The following GABRG3 variants were observed in gnomAD, a reference collection of about 807,000 sequenced individuals.
GABRG3 encodes the protein gamma-aminobutyric acid receptor subunit gamma-3.
In GABRG3, 25 loss-of-function variants were observed where a neutral mutation model predicts 48.8. That is an observed-to-expected ratio of 0.51 (90% CI 0.37 to 0.72). GABRG3 has a LOEUF of 0.72. Among genes scored for constraint, GABRG3 ranks in the 30% least tolerant of loss-of-function variants. The probability of loss-of-function intolerance (pLI) is 0.00; values close to 1 mark genes in which losing one functional copy is unlikely to be tolerated. For missense variants in GABRG3, 394 were observed against 577.9 expected (o/e 0.68, Z 3.26); for synonymous variants, 227 against 217.6 (o/e 1.04, Z -0.38).
intron 5 of GABRG3, among the ~76,000 whole-genome samples, chr15:27,376,698 T>C (rs1895607801): frequency 6.6e-6 from 1 of 152,134 alleles, no homozygotes; most frequent in Admixed American, 6.5e-5. Context: ...GTCCCTAGGC[T>C]GAACACCACA....
chr15:27,458,603 G>A (rs1047251795), intron 5 of GABRG3, among the ~76,000 whole-genome samples: 1 of 152,046 alleles, frequency 6.6e-6, no homozygotes, highest in Non-Finnish European at 1.5e-5. Flanking sequence ...TGGCGCCTTC[G>A]AATCAGAGAT....
chr15:27,319,949 C>CA lies in GABRG3; in HGVS notation c.271-6858dup, dbSNP rs1324165504. Among the ~76,000 whole-genome samples the CA allele has an allele frequency of 3.3e-5, 5 of 152,106 alleles. No individual in the cohort carries two copies. In the East Asian group the frequency reaches 9.7e-4, roughly 29 times the overall value. The stretch of plus-strand genomic sequence containing the variant: ...GGAGGGCAGAGGGAGGATTTCTACA[C>CA]AAGAAAGGAAACTGAGAAAAGGCAG... On this transcript the variant is annotated intron_variant, in intron 3 of 9. Transcript: ENST00000615808. This position sits in a 1 kb window ranked among gnomAD's most constrained non-coding sequence, Gnocchi z 4.4.
At chr15:27,102,448 A>G (rs1299310524) in intron 3 of GABRG3, among the ~76,000 whole-genome samples, 5 of 152,210 alleles carry the variant, frequency 3.3e-5, no homozygotes, top group African/African-American at 1.2e-4. Flanking sequence ...CATAATAACA[A>G]TAACAACAAC....
intron 3 of GABRG3, among the ~76,000 whole-genome samples, chr15:27,033,906 T>C (rs1429143884): frequency 6.6e-6 from 1 of 152,236 alleles, no homozygotes; most frequent in African/African-American, 2.4e-5. Flanking sequence ...TTCAGTTTTA[T>C]GTCATCCGTG....
intron 3 of GABRG3, among the ~76,000 whole-genome samples, chr15:27,308,997 T>G (rs527872037): frequency 2.3e-4 from 34 of 150,630 alleles, no homozygotes; most frequent in African/African-American, 8.0e-4. Flanking sequence ...TGAAAACACA[T>G]ATAATGTAAA....
chr15:27,107,536 G>A (rs1411454912), intron 3 of GABRG3, among the ~76,000 whole-genome samples: 1 of 151,842 alleles, frequency 6.6e-6, no homozygotes, highest in African/African-American at 2.4e-5. Context: ...TTTGTTATTA[G>A]GGTAATGCTG....
chr15:27,020,489 G>GCAAGCTC (rs1456247270), intron 2 of GABRG3, among the ~76,000 whole-genome samples: 1 of 152,184 alleles, frequency 6.6e-6, no homozygotes, highest in Admixed American at 6.5e-5. Context: ...TCGGCTCACT[G>GCAAGCTC]CAAGCTCCGC....
intron 5 of GABRG3, among the ~76,000 whole-genome samples, chr15:27,412,324 CT>C (rs1887822104): frequency 1.3e-5 from 2 of 152,068 alleles, no homozygotes; most frequent in Non-Finnish European, 2.9e-5. Context: ...TCATGCTGCC[CT>C]TTTTTAAGCC....
chr15:27,210,313 G>A (rs1266473802), intron 3 of GABRG3, among the ~76,000 whole-genome samples: 2 of 152,286 alleles, frequency 1.3e-5, no homozygotes, highest in East Asian at 1.9e-4. Flanking sequence ...TTACAGATGC[G>A]AAAATAAGTG....
At chr15:27,014,229 T>G (rs1413346183) in intron 2 of GABRG3, among the ~76,000 whole-genome samples, 1 of 152,070 alleles carries the variant, frequency 6.6e-6, no homozygotes, top group African/African-American at 2.4e-5. Context: ...TACATTTCAT[T>G]GATCTTTTCG....
chr15:27,038,335 C>T (rs1864794), intron 3 of GABRG3, among the ~76,000 whole-genome samples: 95,439 of 151,924 alleles, frequency 0.63, 30,241 homozygotes, highest in East Asian at 0.74. Context: ...TGAAGGACGA[C>T]CTTCCTTCAT....
intron 9 of GABRG3, 72 bp downstream of exon 9, chr15:27,528,064 A>T: frequency 2.8e-6 from 3 of 1,069,568 alleles, no homozygotes; most frequent in Non-Finnish European, 4.2e-6. Flanking sequence ...TGAAAGATAG[A>T]TTGCTGTTGA....
chr15:27,303,886 A>G (rs1215255181), intron 3 of GABRG3, among the ~76,000 whole-genome samples: 1 of 151,790 alleles, frequency 6.6e-6, no homozygotes, highest in East Asian at 1.9e-4. Context: ...AAAGCATAAT[A>G]CAAAGCACCA....
chr15:27,053,053 C>G (rs1896481659), intron 3 of GABRG3, among the ~76,000 whole-genome samples: 1 of 152,090 alleles, frequency 6.6e-6, no homozygotes. Context: ...ATCAAAATAA[C>G]AAAATCCTAG....
chr15:27,110,586 T>A (rs931105447), intron 3 of GABRG3, among the ~76,000 whole-genome samples: 180 of 152,232 alleles, frequency 1.2e-3, no homozygotes, highest in African/African-American at 3.9e-3. Flanking sequence ...CCCTCAATTT[T>A]TTTTTTGTCT....
At chr15:27,403,650 C>T (rs1566825714) in intron 5 of GABRG3, among the ~76,000 whole-genome samples, 2 of 152,104 alleles carry the variant, frequency 1.3e-5, no homozygotes, top group Non-Finnish European at 2.9e-5. Flanking sequence ...CTTGGTGGCT[C>T]ATGTCTGTAA....
intron 3 of GABRG3, among the ~76,000 whole-genome samples, chr15:27,132,510 T>A (rs527395996): frequency 6.8e-6 from 1 of 147,108 alleles, no homozygotes; most frequent in Non-Finnish European, 1.5e-5. Flanking sequence ...TGTGGCTTAT[T>A]TTCTTTTTCT....
intron 7 of GABRG3, among the ~76,000 whole-genome samples, chr15:27,520,762 T>A (rs1891141254): frequency 6.6e-6 from 1 of 150,830 alleles, no homozygotes; most frequent in Non-Finnish European, 1.5e-5. Flanking sequence ...TGAAGGCAGG[T>A]AATATATAAG....
chr15:27,362,202 A>G (rs1895048204), intron 5 of GABRG3: 1 of 152,238 alleles, frequency 6.6e-6, no homozygotes, highest in Admixed American at 6.5e-5. Context: ...AAAGAATGTT[A>G]AAAGCACAGG....
Sources: allele counts gnomAD v4.1 joint callset (sites outside exome capture counted in the v4.1 genomes callset), GRCh38; gene constraint gnomAD v4.1.1; non-coding constraint Gnocchi (gnomAD v3.1); transcripts MANE v1.5; gene names NCBI Gene and HGNC (gene_info 2026-07-23, HGNC 2026-07-21).